CNIH4: variants seen among roughly 807,000 people sequenced by gnomAD.
The protein encoded by CNIH4 is protein cornichon homolog 4.
CNIH4 carries 9 observed loss-of-function variants against 21.5 expected under a neutral mutation model. The ratio of observed to expected loss-of-function variants is 0.42; its 90% CI spans 0.25 to 0.73. The LOEUF is 0.73. CNIH4 is among the 30% of genes least tolerant of loss of function. CNIH4 has a pLI of 0.27. For missense variants in CNIH4, 159 were observed against 170.0 expected, an observed-to-expected ratio of 0.94 and a Z score of 0.36; for synonymous variants, 67 against 59.1, an observed-to-expected ratio of 1.13 and a Z score of -0.61.
intron 3 of CNIH4, among the ~76,000 whole-genome samples, chr1:224,368,517 C>T (rs1265631926): frequency 6.6e-6 from 1 of 152,176 alleles, no homozygotes; most frequent in African/African-American, 2.4e-5. Flanking sequence ...TTTCAGACCA[C>T]TATACTTTAT....
chr1:224,357,756 T>C (rs1672159423), intron 1 of CNIH4: 1 of 152,206 alleles, frequency 6.6e-6, no homozygotes, highest in South Asian at 2.1e-4. Context: ...TTTCTATCGA[T>C]CCATGTTAAA....
At chr1:224,371,482 A>G in intron 4 of CNIH4, 59 bp downstream of exon 4, 1 of 1,512,538 alleles carries the variant, frequency 6.6e-7, no homozygotes, top group Non-Finnish European at 9.0e-7. Context: ...AGGGTGAGAT[A>G]TTACTATACT....
chr1:224,367,425 C>T (rs1164768988), intron 3 of CNIH4, among the ~76,000 whole-genome samples: 3 of 151,964 alleles, frequency 2.0e-5, no homozygotes, highest in African/African-American at 7.3e-5. Flanking sequence ...GAGGGAAAAG[C>T]TTTAAAATAT....
rs542079169 is a variant in CNIH4, at chr1:224,373,400, G to A, written c.392+1977G>A. Among the ~76,000 whole-genome samples the A allele has an allele frequency of 1.6e-4, 25 of 152,244 alleles. No homozygotes were observed. The South Asian group carries it at 1.7e-3, about 10-fold the overall frequency. On this transcript the variant is annotated intron_variant, in intron 4 of 4. Transcript: ENST00000465271. ...ACTAGAGCAGGCATCTCCTGGGGGC[G>A]GTGCTGTAGGTACAGCCCACGTAGT...
At chr1:224,375,515 A>G (rs1324334844) in intron 4 of CNIH4, among the ~76,000 whole-genome samples, 1 of 151,662 alleles carries the variant, frequency 6.6e-6, no homozygotes, top group Non-Finnish European at 1.5e-5. Context: ...TAACTGAGCT[A>G]GGTTGTTTTT....
At chr1:224,363,564 A>G (rs1490788694) in intron 2 of CNIH4, among the ~76,000 whole-genome samples, 2 of 152,034 alleles carry the variant, frequency 1.3e-5, no homozygotes, top group East Asian at 1.9e-4. Flanking sequence ...GGCTCAAGCA[A>G]TCCTCCCGCC....
At chr1:224,358,971 A>G (rs979092808) in intron 1 of CNIH4, among the ~76,000 whole-genome samples, 2 of 152,206 alleles carry the variant, frequency 1.3e-5, no homozygotes, top group South Asian at 2.1e-4. Context: ...GTTTTCTTGG[A>G]CTTTGAACTG....
At chr1:224,359,968 C>T (rs1306522757) in intron 1 of CNIH4, among the ~76,000 whole-genome samples, 1 of 152,102 alleles carries the variant, frequency 6.6e-6, no homozygotes, top group Non-Finnish European at 1.5e-5. Context: ...CCCGTCTCTA[C>T]TAAAAATACA....
intron 3 of CNIH4, among the ~76,000 whole-genome samples, chr1:224,368,768 C>T (rs1444694298): frequency 1.3e-5 from 2 of 152,064 alleles, no homozygotes; most frequent in Admixed American, 1.3e-4. Flanking sequence ...GCGATCCTCC[C>T]ACCTCAGCCA....
intron 2 of CNIH4, chr1:224,364,090 T>C (rs1056404244): frequency 2.0e-6 from 2 of 985,296 alleles, no homozygotes; most frequent in Admixed American, 6.2e-5. Context: ...GAAGTCTTGC[T>C]TCCTGAAACA....
chr1:224,364,475 T>C lies in CNIH4; in HGVS notation c.139-1404T>C, dbSNP rs545828117. 97 of 725,892 alleles carry C rather than the reference T, an allele frequency of 1.3e-4. No homozygotes were observed. The African/African-American group carries it at 1.9e-3, about 14-fold the overall frequency. The allele number at this position is 725,892 out of a possible 1,614,324, so 45.0% of individuals were successfully genotyped here. A position where few individuals can be genotyped will look rare whatever the true frequency, so the allele number is the denominator to read the frequency against. On this transcript the variant is annotated intron_variant, in intron 2 of 4. Coordinates refer to ENST00000465271, the MANE Select transcript of CNIH4 (RefSeq NM_014184.4). ...CGTGAGGTAGGTATTATGTGTATTTTACAGATGAAAACATTGTGGCTTAGA... is the reference window on the plus strand; with the variant it reads ...CGTGAGGTAGGTATTATGTGTATTTCACAGATGAAAACATTGTGGCTTAGA...
chr1:224,367,200 A>T (rs1672487591), intron 3 of CNIH4, among the ~76,000 whole-genome samples: 5 of 152,102 alleles, frequency 3.3e-5, no homozygotes, highest in Admixed American at 2.0e-4. Flanking sequence ...TTTCATTTTT[A>T]TTTATGTCTA....
At chr1:224,371,523 T>C (rs899026494) in intron 4 of CNIH4, 100 bp downstream of exon 4, 3 of 1,159,900 alleles carry the variant, frequency 2.6e-6, no homozygotes, top group Non-Finnish European at 3.7e-6. Flanking sequence ...TGTGGAACTT[T>C]CGGGGATTAT....
intron 4 of CNIH4, among the ~76,000 whole-genome samples, chr1:224,375,576 T>G (rs1240150573): frequency 6.6e-6 from 1 of 152,200 alleles, no homozygotes; most frequent in African/African-American, 2.4e-5. Context: ...AGGTTTTAAG[T>G]TGTACTTCCC....
intron 3 of CNIH4, among the ~76,000 whole-genome samples, 195 bp downstream of exon 3, chr1:224,366,186 C>T (rs1192126912): frequency 1.3e-5 from 2 of 151,680 alleles, no homozygotes; most frequent in African/African-American, 2.4e-5. Context: ...GGACTACAGG[C>T]GTGCACCACC....
chr1:224,375,429 A>G (rs1422623054), intron 4 of CNIH4, among the ~76,000 whole-genome samples: 1 of 150,718 alleles, frequency 6.6e-6, no homozygotes, highest in Non-Finnish European at 1.5e-5. Flanking sequence ...GGCATAGAAC[A>G]GTATGTATCT....
At chr1:224,366,802 T>TTA (rs1672472471) in intron 3 of CNIH4, among the ~76,000 whole-genome samples, 1 of 146,952 alleles carries the variant, frequency 6.8e-6, no homozygotes, top group Non-Finnish European at 1.5e-5. Flanking sequence ...CTACTAAAAA[T>TTA]AAAAAAAAAA....
At chr1:224,368,373 A>T (rs531824042) in intron 3 of CNIH4, among the ~76,000 whole-genome samples, 1 of 152,280 alleles carries the variant, frequency 6.6e-6, no homozygotes, top group Non-Finnish European at 1.5e-5. Context: ...TTTAAATATA[A>T]TTATAAAATA....
chr1:224,365,937 T>C lies in CNIH4; in HGVS notation c.197T>C (p.Leu66Ser). Residue 66 changes from leucine (L) to serine (S), a missense_variant, in exon 3 of 5, where the codon TTG (leucine) becomes TCG (serine). Physicochemically the swap from Leu to Ser is moderately radical, Grantham distance 145. Transcript: ENST00000465271. The part of the protein sequence containing the change: ...TIVTVLLLMS[L>S]HWFIFLLNLP... Reference sequence around the variant, plus strand: ...GTCACTGTATTACTGCTCATGTCATTGCACTGGTTCATCTTCCTTCTCAAC... The same window carrying C: ...GTCACTGTATTACTGCTCATGTCATCGCACTGGTTCATCTTCCTTCTCAAC... 6.2e-7 allele frequency: 1 copy of C among 1,613,420 alleles called. No individual in the cohort carries two copies. The highest frequency in any genetic ancestry group is 8.5e-7 in the Non-Finnish European group (1 of 1,179,290).
Sources: allele counts gnomAD v4.1 joint callset (sites outside exome capture counted in the v4.1 genomes callset), GRCh38; gene constraint gnomAD v4.1.1; transcripts MANE v1.5; gene names NCBI Gene and HGNC (gene_info 2026-07-23, HGNC 2026-07-21).